The following ARID1A variants were observed in gnomAD, a reference collection of about 807,000 sequenced individuals.
ARID1A encodes AT-rich interactive domain-containing protein 1A.
A neutral mutation model predicts 212.6 loss-of-function variants in ARID1A; 20 were observed. The ratio of observed to expected loss-of-function variants is 0.09; its 90% CI spans 0.07 to 0.14. The LOEUF (loss-of-function observed/expected upper bound fraction) is 0.14, where lower values mean the gene tolerates loss of function less well. Among genes scored for constraint, ARID1A ranks in the 10% least tolerant of loss-of-function variants. ARID1A has a pLI of 1.00. For synonymous variants in ARID1A, 1,376 were observed against 1,222.1 expected (o/e 1.13, Z -2.63); for missense variants, 2,587 against 3,059.0 (o/e 0.85, Z 3.64).
chr1:26,747,035 C>T (rs550209498), intron 4 of ARID1A, among the ~76,000 whole-genome samples: 1 of 151,848 alleles, frequency 6.6e-6, no homozygotes, highest in Admixed American at 6.6e-5. Context: ...AGTAAGACTC[C>T]GTGTCAAAAA....
chr1:26,729,035 G>A (rs987101140), intron 1 of ARID1A: 1 of 152,154 alleles, frequency 6.6e-6, no homozygotes, highest in East Asian at 1.9e-4. Flanking sequence ...TAAAAGTTCT[G>A]TTCTTCTTAT....
intron 2 of ARID1A, among the ~76,000 whole-genome samples, chr1:26,730,080 G>GT (rs1557591353): frequency 6.6e-6 from 1 of 152,148 alleles, no homozygotes; most frequent in African/African-American, 2.4e-5. Flanking sequence ...TCACAGGTAC[G>GT]TATCTCTTTT....
chr1:26,716,099 A>T (rs1213954409), intron 1 of ARID1A, among the ~76,000 whole-genome samples: 2 of 151,300 alleles, frequency 1.3e-5, no homozygotes, highest in African/African-American at 4.9e-5. Flanking sequence ...CCAGCTACTC[A>T]GGAGGCTGAG....
chr1:26,712,083 T>TAC (rs1279050326), intron 1 of ARID1A, among the ~76,000 whole-genome samples: 1 of 150,652 alleles, frequency 6.6e-6, no homozygotes, highest in Non-Finnish European at 1.5e-5. Flanking sequence ...CCTGTCTATA[T>TAC]ACAGAAAAAA....
rs779270296 is a variant in ARID1A at position 26,765,487 on chromosome 1, C to CAA, written c.2733-721_2733-720dup. On this transcript the variant is annotated intron_variant, in intron 8 of 19. Transcript: ENST00000324856. ...TGGGCAACAGAGCGAGACTCCATCTCAAAAAAAAAAAAAATTGAACTATTG... is the reference window on the plus strand; with the variant it reads ...TGGGCAACAGAGCGAGACTCCATCTCAAAAAAAAAAAAAAAATTGAACTATTG... 31 of 133,230 alleles carry CAA rather than the reference C, an allele frequency of 2.3e-4. No homozygotes were observed. The East Asian group carries it at 3.8e-3, about 16-fold the overall frequency. The allele number at this position is 133,230 out of a possible 1,614,324, so 8.3% of individuals were successfully genotyped here.
Position 26,696,776 on chromosome 1 carries a change from G to A in ARID1A, c.373G>A (p.Gly125Ser), listed in dbSNP as rs536658556. Residue 125 changes from glycine to serine, a missense_variant, in exon 1 of 20, where the codon GGT becomes AGT. Coordinates refer to ENST00000324856, the MANE Select transcript of ARID1A (RefSeq NM_006015.6). ...NNLTEPPGGG[G>S]GGSSDGVGAP... ...CCTCACGGAGCCGCCCGGCGGCGGC[G>A]GTGGCGGCAGCAGCGATGGGGTGGG... The A allele has an allele frequency of 1.4e-4, 194 of 1,341,814 alleles. 1 individual carries two copies. The African/African-American group carries it at 2.8e-3, about 20-fold the overall frequency. 83.1% of individuals were successfully genotyped at this position (1,341,814 alleles called of 1,614,324 possible). A position where few individuals can be genotyped will look rare whatever the true frequency, so the allele number is the denominator to read the frequency against.
chr1:26,699,866 CTT>C (rs1402784922), intron 1 of ARID1A, among the ~76,000 whole-genome samples: 1 of 152,162 alleles, frequency 6.6e-6, no homozygotes, highest in African/African-American at 2.4e-5. Context: ...AAAGCCAACT[CTT>C]TTGGTATAAT....
intron 1 of ARID1A, among the ~76,000 whole-genome samples, chr1:26,723,814 C>T (rs2080589228): frequency 6.6e-6 from 1 of 152,092 alleles, no homozygotes; most frequent in African/African-American, 2.4e-5. Flanking sequence ...TCCAATGCTA[C>T]GTCACCACAA....
At chr1:26,702,765 T>G (rs1557574909) in intron 1 of ARID1A, among the ~76,000 whole-genome samples, 2 of 152,176 alleles carry the variant, frequency 1.3e-5, no homozygotes, top group Admixed American at 1.3e-4. Context: ...GGAAAGATGC[T>G]GCCCTGGTAG....
rs926027716 is a variant in ARID1A at position 26,741,122 on chromosome 1, C to T, written c.1920+8330C>T. ...TTAAACCATAGAATGAAACAGGCCT[C>T]CTAAACTGGAGTTTAGAGATAGAAG... On this transcript the variant is annotated intron_variant, in intron 4 of 19. Transcript: ENST00000324856. Among the ~76,000 whole-genome samples the T allele has an allele frequency of 4.6e-5, 7 of 152,224 alleles. No individual in the cohort carries two copies. The South Asian group carries it at 1.5e-3, about 32-fold the overall frequency.
intron 1 of ARID1A, among the ~76,000 whole-genome samples, chr1:26,719,941 CAAA>C (rs1213565550): frequency 2.0e-5 from 1 of 49,694 alleles, no homozygotes. Context: ...AAGTCCGTCT[CAAA>C]AAAAAAAAAA....
At position 26,767,209 on chromosome 1, in the gene ARID1A, C is replaced by A. The variant is rs531718819; in HGVS notation, c.2989-581C>A. On this transcript the variant is annotated intron_variant, in intron 10 of 19. Transcript: ENST00000324856. ...GAGTCTTCACCTCTGGCTCCCAGCC[C>A]TTTTGACCACGTTCCTGTCTTGTAC... 2.0e-5 allele frequency among the ~76,000 whole-genome samples: 3 copies of A among 152,356 alleles called. No homozygotes were observed. The East Asian group carries it at 5.8e-4, about 29-fold the overall frequency.
intron 1 of ARID1A, among the ~76,000 whole-genome samples, chr1:26,697,859 T>G (rs925267003): frequency 5.9e-3 from 145 of 24,744 alleles, no homozygotes; most frequent in South Asian, 9.5e-3. Context: ...GGTGAGGGGG[T>G]GAGGGGGCGC....
chr1:26,745,897 C>T (rs1003777472), intron 4 of ARID1A, among the ~76,000 whole-genome samples: 5 of 152,046 alleles, frequency 3.3e-5, no homozygotes, highest in African/African-American at 1.2e-4. Flanking sequence ...ACTAAAAATA[C>T]AAAATTAGCC....
intron 1 of ARID1A, among the ~76,000 whole-genome samples, chr1:26,717,641 GC>G (rs1280865911): frequency 6.6e-6 from 1 of 152,192 alleles, no homozygotes; most frequent in African/African-American, 2.4e-5. Context: ...CATTCTGGAT[GC>G]TAGAGGATAC....
chr1:26,731,016 A>T, intron 2 of ARID1A, 136 bp from the exon 3 acceptor site: 1 of 1,004,192 alleles, frequency 1.0e-6, no homozygotes, highest in South Asian at 1.6e-5. Flanking sequence ...TGAGAGAAAA[A>T]CCCTGGGCCT....
In ARID1A at chr1:26,766,264, A is replaced by C. The variant is rs768469990; in HGVS notation, c.2776A>C (p.Thr926Pro). The C allele has an allele frequency of 2.5e-6, 4 of 1,614,070 alleles. No homozygotes were observed. Among genetic ancestry groups the C allele is most frequent in the Non-Finnish European group, 3.4e-6 (4 of 1,180,014 alleles). Residue 926 changes from threonine (T) to proline (P), a missense_variant, in exon 9 of 20, where the codon ACT becomes CCT. Physicochemically the swap from Thr to Pro is conservative, Grantham distance 38 (BLOSUM62 -1). Transcript: ENST00000324856. The stretch of plus-strand genomic sequence containing the variant: ...TATGAATCAAGGGGGCATGATGGGA[A>C]CTGGACCTCCTTATGGACAAGGGAT... Reference protein sequence around the residue: ...PNMNQGGMMGTGPPYGQGINS... With the variant: ...PNMNQGGMMGPGPPYGQGINS...
intron 1 of ARID1A, among the ~76,000 whole-genome samples, chr1:26,727,149 G>C (rs987530136): frequency 1.2e-4 from 19 of 152,248 alleles, no homozygotes; most frequent in Non-Finnish European, 1.2e-4. Flanking sequence ...ACCAGGCACT[G>C]TGTGAAGTGT....
Position 26,697,002 on chromosome 1 carries a change from A to G in ARID1A, c.599A>G (p.Gln200Arg), listed in dbSNP as rs2124742640. 1 of 1,527,530 alleles carries G rather than the reference A, an allele frequency of 6.5e-7. No homozygotes were observed. Among genetic ancestry groups the G allele is most frequent in the Non-Finnish European group, 8.8e-7 (1 of 1,140,938 alleles). 94.6% of individuals were successfully genotyped at this position (1,527,530 alleles called of 1,614,324 possible). A position where few individuals can be genotyped will look rare whatever the true frequency, so the allele number is the denominator to read the frequency against. The change falls in exon 1 of 20, where the codon CAG becomes CGG. Residue 200 changes from glutamine (Q) to arginine (R), a missense_variant. Physicochemically the swap from Gln to Arg is conservative, Grantham distance 43. Coordinates refer to ENST00000324856, the MANE Select transcript of ARID1A (RefSeq NM_006015.6). Reference protein sequence around the residue: ...GGLEPYAGPQQNSHDHGFPNH... With the variant: ...GGLEPYAGPQRNSHDHGFPNH... ...CTGGAGCCCTACGCGGGGCCCCAGC[A>G]GAACTCTCACGACCACGGCTTCCCC...
Sources: gnomAD v4.1 joint callset for allele counts (sites outside exome capture counted in the v4.1 genomes callset) on GRCh38, gnomAD v4.1.1 for gene constraint, MANE v1.5 for transcripts, NCBI Gene and HGNC (gene_info 2026-07-23, HGNC 2026-07-21) for gene names.